The following CCSER1 variants were observed in gnomAD, a reference collection of about 807,000 sequenced individuals.
CCSER1 encodes the protein serine-rich coiled-coil domain-containing protein 1.
A neutral mutation model predicts 82.0 loss-of-function variants in CCSER1; 41 were observed. That is an observed-to-expected ratio of 0.50 (90% CI 0.39 to 0.65). CCSER1 has a LOEUF of 0.65. Ranked by LOEUF, CCSER1 falls within the 30% of genes least tolerant of loss-of-function variation. CCSER1 has a pLI of 0.00. For synonymous variants in CCSER1, 414 were observed against 383.9 expected (o/e 1.08, Z -0.92); for missense variants, 1,119 against 1,064.2 (o/e 1.05, Z -0.72).
At chr4:90,579,357 C>G (rs1781155333) in intron 5 of CCSER1, among the ~76,000 whole-genome samples, 1 of 152,142 alleles carries the variant, frequency 6.6e-6, no homozygotes, top group South Asian at 2.1e-4. Flanking sequence ...TCTAATCTGA[C>G]TTTGTTTTCC....
intron 9 of CCSER1, among the ~76,000 whole-genome samples, chr4:91,044,528 C>G (rs1027350043): frequency 6.6e-6 from 1 of 152,170 alleles, no homozygotes; most frequent in Non-Finnish European, 1.5e-5. Context: ...CTTCATCCAG[C>G]CTCATTTTGT....
chr4:91,380,369 T>C (rs1750786802), intron 10 of CCSER1, among the ~76,000 whole-genome samples: 2 of 152,154 alleles, frequency 1.3e-5, no homozygotes, highest in South Asian at 4.1e-4. Context: ...CCATTATTAT[T>C]GTGTGGGAGT....
chr4:91,204,816 G>A (rs972276565), intron 10 of CCSER1, among the ~76,000 whole-genome samples: 1 of 151,774 alleles, frequency 6.6e-6, no homozygotes. Context: ...AGCATGGGTT[G>A]TCTTGATACA....
Position 90,933,053 on chromosome 4 carries a change from GGAAC to G in CCSER1, c.2172+9610_2172+9613del, listed in dbSNP as rs1169055108. ...GAAAGAAAGAAAGAAAGAGAAGGAA[GGAAC>G]GAAGGAAAGAAGAAAAGAAAGAAAG... On this transcript the variant is annotated intron_variant, in intron 9 of 10. Transcript: ENST00000509176. Among the ~76,000 whole-genome samples, 52 of 101,556 alleles carry G rather than the reference GGAAC, an allele frequency of 5.1e-4. 5 individuals are homozygous for G. The East Asian group carries it at 6.7e-3, about 13-fold the overall frequency. 66.6% of individuals were successfully genotyped at this position (101,556 alleles called of 152,430 possible).
At chr4:91,257,051 C>G (rs1740746855) in intron 10 of CCSER1, among the ~76,000 whole-genome samples, 1 of 152,098 alleles carries the variant, frequency 6.6e-6, no homozygotes, top group Non-Finnish European at 1.5e-5. Flanking sequence ...AGAGATAAAT[C>G]TTGTTTCACT....
At chr4:91,093,128 A>T (rs918338499) in intron 10 of CCSER1, among the ~76,000 whole-genome samples, 2 of 152,190 alleles carry the variant, frequency 1.3e-5, no homozygotes, top group Admixed American at 1.3e-4. Flanking sequence ...TAAAGCAATG[A>T]GTTCTTCCTT....
intron 5 of CCSER1, among the ~76,000 whole-genome samples, chr4:90,613,792 A>G (rs17017280): frequency 0.028 from 4,326 of 152,244 alleles, 121 homozygotes; most frequent in African/African-American, 0.068. Context: ...AAAAACAAAC[A>G]GACATTCACA....
chr4:90,906,804 A>G (rs1473431815), intron 8 of CCSER1, among the ~76,000 whole-genome samples: 2 of 152,014 alleles, frequency 1.3e-5, no homozygotes, highest in Non-Finnish European at 2.9e-5. Flanking sequence ...TAATGAGAAT[A>G]ATTTTCAAGG....
At chr4:90,352,984 G>C (rs200254125) in intron 3 of CCSER1, among the ~76,000 whole-genome samples, 2 of 151,720 alleles carry the variant, frequency 1.3e-5, no homozygotes, top group Admixed American at 1.3e-4. Flanking sequence ...GCTATTTTAG[G>C]AACTGAGGAA....
chr4:91,293,785 C>A (rs1743940661), intron 10 of CCSER1, among the ~76,000 whole-genome samples: 1 of 151,554 alleles, frequency 6.6e-6, no homozygotes, highest in African/African-American at 2.4e-5. Context: ...AAGGAATAGC[C>A]AAAAGAGGCA....
At chr4:90,722,151 G>T (rs1429815907) in intron 6 of CCSER1, among the ~76,000 whole-genome samples, 2 of 151,646 alleles carry the variant, frequency 1.3e-5, no homozygotes, top group Non-Finnish European at 3.0e-5. Context: ...ACCTTCATTG[G>T]AAAGACTGTG....
chr4:90,734,961 T>C (rs1484122506), intron 7 of CCSER1, among the ~76,000 whole-genome samples: 1 of 152,238 alleles, frequency 6.6e-6, no homozygotes, highest in Non-Finnish European at 1.5e-5. Flanking sequence ...CTGTCATATA[T>C]GGCTTATATG....
In CCSER1 at chr4:91,604,539, G is replaced by C. The variant is rs1190709465; in HGVS notation, c.*5482G>C. On this transcript the variant is annotated 3_prime_UTR_variant, in exon 11 of 11. Transcript: ENST00000509176. ...AAGAAATGATTTTATATTTTTTAAAGTAGAGGGCCAATGAAGTGTCTAACA... is the reference window on the plus strand; with the variant it reads ...AAGAAATGATTTTATATTTTTTAAACTAGAGGGCCAATGAAGTGTCTAACA... The C allele has an allele frequency of 6.6e-6, 1 of 152,008 alleles. No homozygotes were observed. Among genetic ancestry groups the C allele is most frequent in the Non-Finnish European group, 1.5e-5 (1 of 67,944 alleles). 9.4% of individuals were successfully genotyped at this position (152,008 alleles called of 1,614,324 possible).
chr4:90,690,167 G>A (rs1412671375), intron 6 of CCSER1, among the ~76,000 whole-genome samples: 5 of 151,990 alleles, frequency 3.3e-5, no homozygotes, highest in Non-Finnish European at 5.9e-5. Flanking sequence ...TGGAAGGGGT[G>A]CTAAGCCTTA....
At chr4:90,228,985 C>T (rs1372973728) in intron 1 of CCSER1, among the ~76,000 whole-genome samples, 1 of 152,160 alleles carries the variant, frequency 6.6e-6, no homozygotes. Flanking sequence ...AAGACGAAAT[C>T]TACGTCTGAT....
At chr4:90,719,697 A>T (rs1266651560) in intron 6 of CCSER1, among the ~76,000 whole-genome samples, 3 of 152,146 alleles carry the variant, frequency 2.0e-5, no homozygotes, top group Non-Finnish European at 2.9e-5. Context: ...AGAAGACCAT[A>T]GATGTGAAGG....
chr4:90,427,402 GGAAGGATTT>G (rs1467568531), intron 4 of CCSER1, among the ~76,000 whole-genome samples: 1 of 151,482 alleles, frequency 6.6e-6, no homozygotes, highest in Non-Finnish European at 1.5e-5. Flanking sequence ...AATATAAAAT[GGAAGGATTT>G]GAAGGAATCT....
chr4:90,838,830 A>G, intron 8 of CCSER1: 1 of 1,588,796 alleles, frequency 6.3e-7, no homozygotes, highest in Non-Finnish European at 8.6e-7. Flanking sequence ...TACAAAGTTA[A>G]ACAGCTAAAA....
At chr4:90,278,232 A>T (rs1158309994) in intron 1 of CCSER1, among the ~76,000 whole-genome samples, 2 of 152,120 alleles carry the variant, frequency 1.3e-5, no homozygotes, top group African/African-American at 4.8e-5. Flanking sequence ...ATTGGTGGGA[A>T]TGCAAATTCG....
Sources: allele counts gnomAD v4.1 joint callset (sites outside exome capture counted in the v4.1 genomes callset), GRCh38; gene constraint gnomAD v4.1.1; transcripts MANE v1.5; gene names NCBI Gene and HGNC (gene_info 2026-07-23, HGNC 2026-07-21).